The following EXOC4 variants were observed in gnomAD, a reference collection of about 807,000 sequenced individuals.
The protein encoded by EXOC4 is SEC8-like 1.
A neutral mutation model predicts 107.2 loss-of-function variants in EXOC4; 71 were observed. The ratio of observed to expected loss-of-function variants is 0.66; its 90% confidence interval spans 0.55 to 0.81. EXOC4 has a LOEUF of 0.81. Among genes scored for constraint, EXOC4 ranks in the 30% least tolerant of loss-of-function variants. The probability of loss-of-function intolerance (pLI) is 0.00; values close to 1 mark genes in which losing one functional copy is unlikely to be tolerated. For synonymous variants in EXOC4, 456 were observed against 441.2 expected, an observed-to-expected ratio of 1.03 and a Z score of -0.42; for missense variants, 1,108 against 1,189.6, an observed-to-expected ratio of 0.93 and a Z score of 1.01.
At chr7:133,802,453 C>T (rs1331830165) in intron 10 of EXOC4, among the ~76,000 whole-genome samples, 2 of 152,126 alleles carry the variant, frequency 1.3e-5, no homozygotes, top group African/African-American at 2.4e-5. Context: ...GAATTAATTG[C>T]TTAGATATTT....
Position 133,903,112 on chromosome 7 carries a change from G to A in EXOC4, c.1871+7377G>A, listed in dbSNP as rs550776215. ...CAGGACGCTCCGGGACACTTTTAAG[G>A]AACAGCAAGGAGGCCAGCATGGTTG... On this transcript the variant is annotated intron_variant, in intron 12 of 17. Coordinates refer to ENST00000253861, the MANE Select transcript of EXOC4 (RefSeq NM_021807.4). 7.6e-4 allele frequency among the ~76,000 whole-genome samples: 116 copies of A among 152,272 alleles called. 2 individuals are homozygous for A. Among genetic ancestry groups the A allele is most frequent in the Middle Eastern group, 6.8e-3 (2 of 294 alleles).
intron 2 of EXOC4, among the ~76,000 whole-genome samples, chr7:133,283,579 T>G (rs1794208276): frequency 6.6e-6 from 1 of 152,246 alleles, no homozygotes; most frequent in Non-Finnish European, 1.5e-5. Flanking sequence ...TTTAATTTTT[T>G]GAGGAAACTC....
intron 10 of EXOC4, among the ~76,000 whole-genome samples, chr7:133,741,366 AATT>A (rs1172429100): frequency 6.6e-6 from 1 of 152,112 alleles, no homozygotes; most frequent in African/African-American, 2.4e-5. Context: ...TGATTATTTG[AATT>A]ATGTTTCAAG....
chr7:133,867,811 G>A (rs1489115820), intron 11 of EXOC4, among the ~76,000 whole-genome samples: 2 of 152,222 alleles, frequency 1.3e-5, no homozygotes, highest in Non-Finnish European at 2.9e-5. Context: ...GGTCCTTTCT[G>A]TAGAACCCTG....
At chr7:133,465,667 A>G (rs1798709912) in intron 7 of EXOC4, among the ~76,000 whole-genome samples, 3 of 152,230 alleles carry the variant, frequency 2.0e-5, no homozygotes, top group Admixed American at 2.0e-4. Flanking sequence ...TACATTTAAA[A>G]GAATTGAAAT....
chr7:133,435,516 A>G (rs757460988), intron 7 of EXOC4, among the ~76,000 whole-genome samples: 2 of 152,208 alleles, frequency 1.3e-5, no homozygotes, highest in Admixed American at 6.5e-5. Flanking sequence ...CATCATGCAC[A>G]TGAATTCTCA....
At chr7:133,821,648 T>A (rs1190859675) in intron 11 of EXOC4, among the ~76,000 whole-genome samples, 1 of 152,204 alleles carries the variant, frequency 6.6e-6, no homozygotes, top group Non-Finnish European at 1.5e-5. Flanking sequence ...AACTGGGCTC[T>A]CCATAGTTAG....
At chr7:133,934,645 A>T (rs780936400) in intron 13 of EXOC4, among the ~76,000 whole-genome samples, 3 of 152,148 alleles carry the variant, frequency 2.0e-5, no homozygotes, top group African/African-American at 7.2e-5. Context: ...TAATATGCAT[A>T]AAAATGGCTC....
chr7:133,317,761 A>C (rs1377975075), intron 5 of EXOC4, among the ~76,000 whole-genome samples: 2 of 151,618 alleles, frequency 1.3e-5, no homozygotes, highest in Non-Finnish European at 2.9e-5. Context: ...GGCTCTCTGC[A>C]ACCTCTGCCT....
intron 10 of EXOC4, among the ~76,000 whole-genome samples, chr7:133,753,390 A>G (rs1795834199): frequency 6.6e-6 from 1 of 152,230 alleles, no homozygotes; most frequent in African/African-American, 2.4e-5. Context: ...CAGACACTTG[A>G]TAAAATGTTG....
intron 17 of EXOC4, among the ~76,000 whole-genome samples, chr7:134,021,054 T>C (rs539430680): frequency 1.3e-5 from 2 of 151,966 alleles, no homozygotes; most frequent in East Asian, 3.9e-4. Flanking sequence ...TGGACTTGCC[T>C]AGAGTTCCAT....
chr7:133,946,072 T>A (rs1366377879), intron 14 of EXOC4, among the ~76,000 whole-genome samples: 1 of 152,252 alleles, frequency 6.6e-6, no homozygotes, highest in Non-Finnish European at 1.5e-5. Flanking sequence ...TTTCAAATAT[T>A]TGTTGACTGT....
intron 10 of EXOC4, among the ~76,000 whole-genome samples, chr7:133,684,506 C>CT (rs1483182736): frequency 1.3e-5 from 2 of 151,628 alleles, no homozygotes; most frequent in Non-Finnish European, 2.9e-5. Flanking sequence ...GGTTCTATGT[C>CT]TAAGAAAATG....
chr7:133,487,800 TTTAAAAGTTAAC>T (rs1799298256), intron 9 of EXOC4, among the ~76,000 whole-genome samples: 1 of 152,188 alleles, frequency 6.6e-6, no homozygotes, highest in African/African-American at 2.4e-5. Flanking sequence ...AACAGGGAAA[TTTAAAAGTTAAC>T]TTATATCTCA....
chr7:133,571,331 C>A (rs996559528), intron 9 of EXOC4, among the ~76,000 whole-genome samples: 2 of 152,130 alleles, frequency 1.3e-5, no homozygotes, highest in Non-Finnish European at 2.9e-5. Context: ...CGTGTCTTCA[C>A]CCTTTTGTGC....
At chr7:133,584,017 A>G (rs1328262237) in intron 9 of EXOC4, among the ~76,000 whole-genome samples, 2 of 152,092 alleles carry the variant, frequency 1.3e-5, no homozygotes, top group African/African-American at 4.8e-5. Context: ...GACAAGGAGG[A>G]GTGCGAGATG....
chr7:133,965,681 T>C (rs1801048420), intron 14 of EXOC4, among the ~76,000 whole-genome samples: 1 of 152,218 alleles, frequency 6.6e-6, no homozygotes, highest in Admixed American at 6.5e-5. Context: ...TCCATTGGTC[T>C]ATATCTCTGT....
At chr7:133,254,695 G>A (rs17166977) in intron 1 of EXOC4, among the ~76,000 whole-genome samples, 8,355 of 152,212 alleles carry the variant, frequency 0.055, 544 homozygotes, top group East Asian at 0.14. Flanking sequence ...TGTTACCCTT[G>A]AGGAGAGTAT....
intron 7 of EXOC4, among the ~76,000 whole-genome samples, chr7:133,423,645 C>T (rs762117208): frequency 9.2e-5 from 14 of 152,230 alleles, no homozygotes; most frequent in Non-Finnish European, 1.8e-4. Flanking sequence ...TAGCAGCCCT[C>T]GGTCGCTCTC....
Sources: allele counts gnomAD v4.1 joint callset (sites outside exome capture counted in the v4.1 genomes callset), GRCh38; gene constraint gnomAD v4.1.1; transcripts MANE v1.5; gene names NCBI Gene and HGNC (gene_info 2026-07-23, HGNC 2026-07-21).